The following ANK3 variants were observed in gnomAD, a reference collection of about 807,000 sequenced individuals.
ANK3 encodes the protein ankyrin 3.
Under a neutral mutation model 370.9 loss-of-function variants are expected in ANK3, and 57 were observed. The ratio of observed to expected loss-of-function variants is 0.15; its 90% confidence interval spans 0.12 to 0.19. The LOEUF is 0.19. Among genes scored for constraint, ANK3 ranks in the 10% least tolerant of loss-of-function variants. ANK3 has a pLI of 1.00. For missense variants in ANK3, 4,439 were observed against 5,302.1 expected, an observed-to-expected ratio of 0.84 and a Z score of 5.06; for synonymous variants, 1,929 against 1,946.3, an observed-to-expected ratio of 0.99 and a Z score of 0.23.
At chr10:60,485,344 C>A (rs2075322240) in intron 2 of ANK3, among the ~76,000 whole-genome samples, 1 of 152,168 alleles carries the variant, frequency 6.6e-6, no homozygotes, top group Admixed American at 6.5e-5. Context: ...ACTGATGGAA[C>A]AGCAAAAAGA....
At position 60,027,694 on chromosome 10, in the gene ANK3, T is replaced by C. The variant is rs1400875946; in HGVS notation, c.*2152A>G. ...GTAGTGAGCACTCCAGTTTTAGTGA[T>C]GATGATCACAGTTACTACTATCACT... On this transcript the variant is annotated 3_prime_UTR_variant, in exon 44 of 44. Coordinates refer to ENST00000280772, the MANE Select transcript of ANK3 (RefSeq NM_020987.5). 6.6e-6 allele frequency: 1 copy of C among 152,216 alleles called. No homozygotes were observed. Among genetic ancestry groups the C allele is most frequent in the Non-Finnish European group, 1.5e-5 (1 of 68,036 alleles). The allele number at this position is 152,216 out of a possible 1,614,324, so 9.4% of individuals were successfully genotyped here.
In ANK3 at chr10:60,063,105, G is replaced by T; in HGVS notation, c.12595+6C>A. On this transcript the variant is annotated splice_donor_region_variant and intron_variant, in intron 40 of 43. Coordinates refer to ENST00000280772, the MANE Select transcript of ANK3 (RefSeq NM_020987.5). The stretch of plus-strand genomic sequence containing the variant: ...TTAAATAAATATGAACACTAAATTC[G>T]ATTACCATCAACAGGGTCATGGAAA... 6 of 1,605,686 alleles carry T rather than the reference G, an allele frequency of 3.7e-6. No individual in the cohort carries two copies. The highest frequency in any genetic ancestry group is 5.1e-6 in the Non-Finnish European group (6 of 1,177,596).
intron 28 of ANK3, among the ~76,000 whole-genome samples, chr10:60,092,534 CA>C (rs1420082827): frequency 6.6e-6 from 1 of 152,100 alleles, no homozygotes; most frequent in Admixed American, 6.5e-5. Flanking sequence ...GAGCCACCAA[CA>C]GAACTTTTAT....
intron 1 of ANK3, among the ~76,000 whole-genome samples, chr10:60,304,109 A>G (rs1255361268): frequency 2.0e-5 from 3 of 152,102 alleles, no homozygotes; most frequent in Admixed American, 1.3e-4. Context: ...AGAAGAGAAA[A>G]TGAGAAGATG....
intron 1 of ANK3, among the ~76,000 whole-genome samples, chr10:60,620,366 T>C (rs10159646): frequency 0.69 from 105,019 of 152,042 alleles, 36,676 homozygotes; most frequent in South Asian, 0.89. Context: ...CTTGTATCTG[T>C]CAGGTACTGT....
intron 18 of ANK3, among the ~76,000 whole-genome samples, chr10:60,179,420 A>G (rs1263852995): frequency 1.3e-5 from 2 of 152,210 alleles, no homozygotes; most frequent in Non-Finnish European, 2.9e-5. Flanking sequence ...CGTGGCCGGG[A>G]ACGGTGGCTC....
At chr10:60,472,526 G>C (rs1426450604) in intron 2 of ANK3, among the ~76,000 whole-genome samples, 1 of 152,112 alleles carries the variant, frequency 6.6e-6, no homozygotes, top group Non-Finnish European at 1.5e-5. Flanking sequence ...ATAGAGTTGG[G>C]TTTTTGTTTA....
At chr10:60,161,670 T>C (rs1029987212) in intron 23 of ANK3, among the ~76,000 whole-genome samples, 14 of 152,016 alleles carry the variant, frequency 9.2e-5, no homozygotes, top group African/African-American at 3.1e-4. Context: ...CTCACTCATA[T>C]GTGGGAACTG....
intron 2 of ANK3, among the ~76,000 whole-genome samples, chr10:60,450,633 G>GT (rs1445646378): frequency 1.3e-5 from 2 of 152,250 alleles, no homozygotes; most frequent in Non-Finnish European, 2.9e-5. Flanking sequence ...CAAAAAAAGC[G>GT]TAAGTTCTTC....
chr10:60,062,934 A>T, intron 40 of ANK3, 177 bp downstream of exon 40: 1 of 564,108 alleles, frequency 1.8e-6, no homozygotes. Context: ...ATATAAACAG[A>T]GGTATTTACC....
At chr10:60,509,107 T>C (rs2076014007) in intron 2 of ANK3, among the ~76,000 whole-genome samples, 1 of 152,108 alleles carries the variant, frequency 6.6e-6, no homozygotes. Context: ...GCAAATACCA[T>C]CACTGTTCAC....
intron 40 of ANK3, chr10:60,061,802 C>T (rs2080533466): frequency 6.6e-6 from 1 of 151,372 alleles, no homozygotes; most frequent in Admixed American, 6.6e-5. Context: ...TAAGCAGGAA[C>T]TTTCTAAGAA....
chr10:60,416,104 CAATGAG>C (rs913613206), intron 2 of ANK3, among the ~76,000 whole-genome samples: 1 of 151,934 alleles, frequency 6.6e-6, no homozygotes, highest in Non-Finnish European at 1.5e-5. Flanking sequence ...TGTAAGGACA[CAATGAG>C]AAGACACCAT....
intron 2 of ANK3, among the ~76,000 whole-genome samples, chr10:60,598,944 G>A (rs1007875508): frequency 6.6e-6 from 1 of 152,068 alleles, no homozygotes; most frequent in Non-Finnish European, 1.5e-5. Flanking sequence ...TGTTTTTCAT[G>A]TTGAGACAGG....
chr10:60,353,506 T>C (rs965770164), intron 1 of ANK3, among the ~76,000 whole-genome samples: 2 of 152,184 alleles, frequency 1.3e-5, no homozygotes, highest in African/African-American at 4.8e-5. Flanking sequence ...CCACACAATC[T>C]TCCTTTTGTC....
chr10:60,051,634 G>T, intron 42 of ANK3: 8 of 450,678 alleles, frequency 1.8e-5, no homozygotes, highest in Non-Finnish European at 2.0e-5. Context: ...GGGAAATCAA[G>T]AAAGAATTAC....
chr10:60,188,062 C>T (rs1328914437), intron 16 of ANK3, among the ~76,000 whole-genome samples: 1 of 152,134 alleles, frequency 6.6e-6, no homozygotes, highest in African/African-American at 2.4e-5. Context: ...ATATACATTT[C>T]TTAAGGGCGT....
At chr10:60,733,503 C>A, upstream of ANK3, 1 of 468,640 alleles carries the variant, frequency 2.1e-6, no homozygotes, top group Non-Finnish European at 3.4e-6. Flanking sequence ...CCGCTGCGAC[C>A]GCCAGGTGCC....
At chr10:60,685,932 A>C (rs2079261692) in intron 1 of ANK3, among the ~76,000 whole-genome samples, 1 of 152,202 alleles carries the variant, frequency 6.6e-6, no homozygotes, top group Admixed American at 6.5e-5. Flanking sequence ...ATACAGAACA[A>C]AATAATAGAG....
Sources: allele counts gnomAD v4.1 joint callset (sites outside exome capture counted in the v4.1 genomes callset), GRCh38; gene constraint gnomAD v4.1.1; transcripts MANE v1.5; gene names NCBI Gene and HGNC (gene_info 2026-07-23, HGNC 2026-07-21).